The following SEL1L3 variants were observed in gnomAD, a reference collection of about 807,000 sequenced individuals.
The protein encoded by SEL1L3 is SEL1L family member 3.
SEL1L3 carries 76 observed loss-of-function variants against 142.8 expected under a neutral mutation model. That is an observed-to-expected ratio of 0.53 (90% CI 0.44 to 0.64). SEL1L3 has a LOEUF of 0.64. SEL1L3 is among the 30% of genes least tolerant of loss of function. The pLI is 0.00. For missense variants in SEL1L3, 1,262 were observed against 1,381.7 expected (o/e 0.91, Z 1.37); for synonymous variants, 504 against 519.6 (o/e 0.97, Z 0.41).
intron 17 of SEL1L3, among the ~76,000 whole-genome samples, chr4:25,768,656 T>C (rs1258148145): frequency 6.6e-6 from 1 of 152,144 alleles, no homozygotes; most frequent in Non-Finnish European, 1.5e-5. Context: ...GCTGTGTATA[T>C]GAATAGCAAC....
Position 25,814,765 on chromosome 4 carries a change from AT to A in SEL1L3, c.1564+3372del, listed in dbSNP as rs372092434. Among the ~76,000 whole-genome samples, 1,483 of 148,386 alleles carry A rather than the reference AT, an allele frequency of 1.0e-2. 22 individuals carry two copies. Among genetic ancestry groups the A allele is most frequent in the African/African-American group, 0.035 (1,387 of 39,742 alleles). On this transcript the variant is annotated intron_variant, in intron 9 of 23. Transcript: ENST00000399878. ...AAAGACGTGTTGGAAATATAAACTC[AT>A]TTTTTTTTACCCTCAATTTACAAAA...
At chr4:25,824,413 A>G (rs1211310989) in intron 6 of SEL1L3, among the ~76,000 whole-genome samples, 1 of 152,204 alleles carries the variant, frequency 6.6e-6, no homozygotes, top group African/African-American at 2.4e-5. Flanking sequence ...TAGTCTCCCC[A>G]TTTAAAAAAC....
chr4:25,825,923 C>T (rs751402951), intron 6 of SEL1L3, among the ~76,000 whole-genome samples: 8 of 152,046 alleles, frequency 5.3e-5, no homozygotes, highest in South Asian at 4.2e-4. Context: ...CCGCCTGCTT[C>T]GGCCTCCCAA....
intron 9 of SEL1L3, among the ~76,000 whole-genome samples, chr4:25,810,854 C>T (rs899540957): frequency 7.9e-5 from 12 of 152,216 alleles, no homozygotes; most frequent in African/African-American, 1.2e-4. Context: ...CATCTATATG[C>T]GCTGCAGTTG....
chr4:25,758,669 T>C (rs1257957159), intron 21 of SEL1L3, among the ~76,000 whole-genome samples: 1 of 150,704 alleles, frequency 6.6e-6, no homozygotes, highest in East Asian at 2.0e-4. Flanking sequence ...TTCTTTCTTT[T>C]CTTTCTTTTT....
the SEL1L3 span, among the ~76,000 whole-genome samples, chr4:25,722,733 A>AT: frequency 6.6e-6 from 1 of 151,590 alleles, no homozygotes; most frequent in East Asian, 1.9e-4. Flanking sequence ...CTGGGATTAC[A>AT]GACATGAGCC....
chr4:25,784,411 C>T, intron 13 of SEL1L3, 121 bp from the exon 14 acceptor site: 1 of 782,114 alleles, frequency 1.3e-6, no homozygotes. Flanking sequence ...TCATTTAAAC[C>T]CAAGCTTAGG....
rs1474087449 is a variant in SEL1L3, at chr4:25,788,904, C to A, written c.2077-540G>T. 6.6e-6 allele frequency among the ~76,000 whole-genome samples: 1 copy of A among 152,138 alleles called. No homozygotes were observed. The highest frequency in any genetic ancestry group is 1.5e-5 in the Non-Finnish European group (1 of 68,018). Reference sequence around the variant, plus strand: ...TGTCCCTGTCTGTTAGCCCCCCAACCCAGCAGAGCTCAGCAGGTCATAGAA... The same window carrying A: ...TGTCCCTGTCTGTTAGCCCCCCAACACAGCAGAGCTCAGCAGGTCATAGAA... On this transcript the variant is annotated intron_variant, in intron 12 of 23. Coordinates refer to ENST00000399878, the MANE Select transcript of SEL1L3 (RefSeq NM_015187.5). This position sits in a 1 kb window ranked among gnomAD's most constrained non-coding sequence, Gnocchi z 5.3.
At chr4:25,737,843 T>C in the SEL1L3 span, among the ~76,000 whole-genome samples, 1 of 152,124 alleles carries the variant, frequency 6.6e-6, no homozygotes, top group African/African-American at 2.4e-5. Context: ...CTGTATTGCT[T>C]AGGAAATAAT....
intron 1 of SEL1L3, chr4:25,860,701 T>TACAAAGGCAGGAAGCAC (rs1244606472): frequency 6.6e-6 from 1 of 152,250 alleles, no homozygotes; most frequent in Non-Finnish European, 1.5e-5. Flanking sequence ...GAAGGAAGCA[T>TACAAAGGCAGGAAGCAC]ACAAAGGCAG....
At chr4:25,775,054 T>A (rs1265092689) in intron 17 of SEL1L3, among the ~76,000 whole-genome samples, 2 of 151,804 alleles carry the variant, frequency 1.3e-5, no homozygotes, top group African/African-American at 4.8e-5. Flanking sequence ...GAGCAGAGGG[T>A]GGGAGGTTGG....
At chr4:25,728,580 A>G in the SEL1L3 span, among the ~76,000 whole-genome samples, 1 of 152,114 alleles carries the variant, frequency 6.6e-6, no homozygotes, top group African/African-American at 2.4e-5. Context: ...CTCAGCCCCC[A>G]TACCTAAGGC....
At chr4:25,739,966 TTA>T in the SEL1L3 span, among the ~76,000 whole-genome samples, 5 of 151,950 alleles carry the variant, frequency 3.3e-5, no homozygotes, top group Admixed American at 3.3e-4. Context: ...AATTAATTAA[TTA>T]ATTTATTTAA....
chr4:25,784,170 G>A (rs572946112), intron 14 of SEL1L3, 58 bp downstream of exon 14: 10 of 1,361,338 alleles, frequency 7.3e-6, no homozygotes, highest in African/African-American at 2.9e-5. Flanking sequence ...TTAGACGTGC[G>A]AGAGCGTGTG....
chr4:25,821,058 C>A (rs1202370500), intron 7 of SEL1L3, among the ~76,000 whole-genome samples: 3 of 152,158 alleles, frequency 2.0e-5, no homozygotes, highest in African/African-American at 7.2e-5. Context: ...TTGTGGACAA[C>A]CTTCAAAACA....
chr4:25,795,612 A>G (rs1204096679), intron 11 of SEL1L3, among the ~76,000 whole-genome samples: 2 of 152,150 alleles, frequency 1.3e-5, no homozygotes, highest in Non-Finnish European at 2.9e-5. Flanking sequence ...AGGTAAGCAG[A>G]ATGATCCTAG....
At chr4:25,764,356 A>T (rs1718578958) in intron 20 of SEL1L3, among the ~76,000 whole-genome samples, 1 of 152,232 alleles carries the variant, frequency 6.6e-6, no homozygotes, top group Non-Finnish European at 1.5e-5. Context: ...ATCTACATGA[A>T]GTCTGAAGTG....
chr4:25,732,583 C>T, the SEL1L3 span, among the ~76,000 whole-genome samples: 4 of 152,118 alleles, frequency 2.6e-5, no homozygotes, highest in East Asian at 1.9e-4. Flanking sequence ...TGAATGATGA[C>T]GTTCAGCCTA....
In SEL1L3 at chr4:25,787,048, T is replaced by G. The variant is rs140441227; in HGVS notation, c.2217+1176A>C. On this transcript the variant is annotated intron_variant, in intron 13 of 23. Transcript: ENST00000399878. ...TTTCCTTACCAAAGCCAAAGCTTTT[T>G]ACTTTTCCAAGATTGATGAATTGAT... Among the ~76,000 whole-genome samples the G allele has an allele frequency of 2.6e-5, 4 of 152,356 alleles. No individual in the cohort carries two copies. The East Asian group carries it at 5.8e-4, about 22-fold the overall frequency.
Sources: gnomAD v4.1 joint callset for allele counts (sites outside exome capture counted in the v4.1 genomes callset) on GRCh38, gnomAD v4.1.1 for gene constraint, Gnocchi (gnomAD v3.1) non-coding constraint, MANE v1.5 for transcripts, NCBI Gene and HGNC (gene_info 2026-07-23, HGNC 2026-07-21) for gene names.